CLIP2: variants seen among roughly 807,000 people sequenced by gnomAD.
CLIP2 encodes the protein CAP-Gly domain containing linker protein 2, also known as CAP-Gly domain-containing linker protein 2.
A neutral mutation model predicts 111.7 loss-of-function variants in CLIP2; 41 were observed. The observed-to-expected ratio is 0.37, with a 90% confidence interval of 0.29 to 0.48. The LOEUF is 0.48. Ranked by LOEUF, CLIP2 falls within the 20% of genes least tolerant of loss-of-function variation. CLIP2 has a pLI of 0.99. For synonymous variants in CLIP2, 660 were observed against 644.2 expected, an observed-to-expected ratio of 1.02 and a Z score of -0.37; for missense variants, 1,160 against 1,422.1, an observed-to-expected ratio of 0.82 and a Z score of 2.96.
chr7:74,319,213 TTTG>T (rs1788877429), intron 2 of CLIP2, among the ~76,000 whole-genome samples: 2 of 152,082 alleles, frequency 1.3e-5, no homozygotes, highest in Non-Finnish European at 2.9e-5. Flanking sequence ...ATGAATTTGA[TTTG>T]TTAAGAAAGA....
At position 74,372,902 on chromosome 7, in the gene CLIP2, C is replaced by A. The variant is rs537350900; in HGVS notation, c.1381-30C>A. 6 of 1,030,876 alleles carry A rather than the reference C, an allele frequency of 5.8e-6. No individual in the cohort carries two copies. The South Asian group carries it at 6.8e-5, about 12-fold the overall frequency. 63.9% of individuals were successfully genotyped at this position (1,030,876 alleles called of 1,614,324 possible). A position where few individuals can be genotyped will look rare whatever the true frequency, so the allele number is the denominator to read the frequency against. On this transcript the variant is annotated intron_variant, in intron 8 of 16. Transcript: ENST00000223398. ...CCCTCCCTGCGTCCCCGCCCCCACC[C>A]CCCCACCGTGTCCACCCTGGGTGGA...
At chr7:74,386,229 G>T (rs1432354997) in intron 11 of CLIP2, among the ~76,000 whole-genome samples, 1 of 151,364 alleles carries the variant, frequency 6.6e-6, no homozygotes, top group Admixed American at 6.6e-5. Context: ...TGTATTTTTA[G>T]TAGAGACTCG....
At position 74,376,495 on chromosome 7, in the gene CLIP2, G is replaced by T. The variant is rs782363128; in HGVS notation, c.2094G>T (p.Gly698=). The change falls in exon 10 of 17, where the codon GGG becomes GGT. Residue 698 remains glycine (G), a synonymous_variant. Transcript: ENST00000223398. The surrounding 1 kb of genome is among the most constrained non-coding windows in gnomAD (Gnocchi z 7.1). The part of the protein sequence containing the change: ...KLQEAQEELA[G]LQRHWRAQLE... ...AGGAGGCCCAGGAGGAGCTGGCTGG[G>T]CTGCAGCGGCACTGGCGGGCCCAGC... 1.2e-6 allele frequency: 2 copies of T among 1,611,730 alleles called. No homozygotes were observed. Among genetic ancestry groups the T allele is most frequent in the Admixed American group, 3.4e-5 (2 of 59,622 alleles).
chr7:74,382,471 A>AT (rs35499422), intron 11 of CLIP2, among the ~76,000 whole-genome samples: 1,907 of 129,176 alleles, frequency 0.015, 38 homozygotes, highest in African/African-American at 0.038. Context: ...TGCCCTGCTA[A>AT]TTTTTTTTTT....
chr7:74,377,230 G>A (rs966755692), intron 10 of CLIP2, among the ~76,000 whole-genome samples: 2 of 152,158 alleles, frequency 1.3e-5, no homozygotes, highest in African/African-American at 4.8e-5. Flanking sequence ...CCCCCTGGGG[G>A]CACCCATCTC....
intron 2 of CLIP2, among the ~76,000 whole-genome samples, chr7:74,330,908 C>T (rs1789258618): frequency 6.6e-6 from 1 of 151,576 alleles, no homozygotes; most frequent in African/African-American, 2.4e-5. Context: ...TCTTTTAAAA[C>T]ATATTAAGAT....
At chr7:74,344,809 CAG>C (rs1412589403) in intron 3 of CLIP2, among the ~76,000 whole-genome samples, 1 of 151,996 alleles carries the variant, frequency 6.6e-6, no homozygotes, top group Non-Finnish European at 1.5e-5. Flanking sequence ...GACCTGGTGC[CAG>C]AGAGGAGGGG....
chr7:74,299,135 C>G (rs1410063828), intron 1 of CLIP2, among the ~76,000 whole-genome samples: 1 of 151,952 alleles, frequency 6.6e-6, no homozygotes, highest in Non-Finnish European at 1.5e-5. Flanking sequence ...AGTTGGAGAC[C>G]AGCCTGGGCA....
intron 11 of CLIP2, chr7:74,381,488 G>A (rs1790945950): frequency 2.4e-6 from 1 of 409,710 alleles, no homozygotes; most frequent in Admixed American, 2.8e-5. Context: ...TGCCTAGCTG[G>A]TTTAAACTTT....
At chr7:74,350,445 T>C (rs1584350658) in intron 3 of CLIP2, among the ~76,000 whole-genome samples, 4 of 152,218 alleles carry the variant, frequency 2.6e-5, no homozygotes, top group African/African-American at 9.6e-5. Flanking sequence ...TGGCCTCAAG[T>C]GATCCTCCTG....
intron 1 of CLIP2, among the ~76,000 whole-genome samples, chr7:74,292,425 C>T (rs1300404333): frequency 1.3e-5 from 2 of 152,146 alleles, no homozygotes; most frequent in Non-Finnish European, 2.9e-5. Context: ...CTTGCTCTGT[C>T]GCCCAGGCTG....
In CLIP2 at chr7:74,390,134, G is replaced by GAGAA. The variant is rs1554315549; in HGVS notation, c.2720+889_2720+892dup. ...AAGAAAGAAAGAAAAGAGAGAGAGA[G>GAGAA]AGAAAGAAAGAAAGAAAAAGAAAGA... is the stretch of plus-strand genomic sequence containing the variant. On this transcript the variant is annotated intron_variant, in intron 13 of 16. Coordinates refer to ENST00000223398, the MANE Select transcript of CLIP2 (RefSeq NM_003388.5). 8.7e-5 allele frequency among the ~76,000 whole-genome samples: 9 copies of GAGAA among 103,328 alleles called. 1 individual carries two copies. Among genetic ancestry groups the GAGAA allele is most frequent in the Admixed American group, 2.3e-4 (2 of 8,626 alleles). The allele number at this position is 103,328 out of a possible 152,430, so 67.8% of individuals were successfully genotyped here.
chr7:74,304,076 G>A (rs1788410513), intron 1 of CLIP2, among the ~76,000 whole-genome samples: 1 of 141,508 alleles, frequency 7.1e-6, no homozygotes, highest in Non-Finnish European at 1.5e-5. Flanking sequence ...ACCATGCCTG[G>A]CTAATTTTTT....
intron 1 of CLIP2, among the ~76,000 whole-genome samples, chr7:74,308,837 G>A (rs229882): frequency 0.6 from 90,445 of 151,738 alleles, 29,606 homozygotes; most frequent in Non-Finnish European, 0.74. Context: ...GATTACAGGC[G>A]TGAGCCACCA....
intron 3 of CLIP2, among the ~76,000 whole-genome samples, chr7:74,349,806 G>T (rs1338414363): frequency 6.6e-6 from 1 of 151,498 alleles, no homozygotes; most frequent in African/African-American, 2.4e-5. Flanking sequence ...GTAAAAATAG[G>T]GTTGCACCAT....
At chr7:74,401,453 C>T (rs375997633) in intron 15 of CLIP2, 52 bp from the exon 16 acceptor site, 73 of 1,573,868 alleles carry the variant, frequency 4.6e-5, no homozygotes, top group Non-Finnish European at 6.2e-5. Flanking sequence ...GTGGGAAAAT[C>T]GGGAACTGCT....
chr7:74,369,487 G>T (rs1554311447), intron 8 of CLIP2, among the ~76,000 whole-genome samples: 1 of 152,096 alleles, frequency 6.6e-6, no homozygotes, highest in Non-Finnish European at 1.5e-5. Flanking sequence ...AGGCTACAGT[G>T]AGCTATGATG....
chr7:74,295,484 C>G (rs1253136959), intron 1 of CLIP2, among the ~76,000 whole-genome samples: 2 of 152,150 alleles, frequency 1.3e-5, no homozygotes, highest in African/African-American at 4.8e-5. Context: ...TTTGCCACCT[C>G]GTACCTTTCT....
At chr7:74,349,447 A>AG (rs1789908369) in intron 3 of CLIP2, among the ~76,000 whole-genome samples, 4 of 75,746 alleles carry the variant, frequency 5.3e-5, no homozygotes, top group African/African-American at 9.8e-5. Flanking sequence ...AAAAAAAAAA[A>AG]GTATGTATGT....
Sources: allele counts gnomAD v4.1 joint callset (sites outside exome capture counted in the v4.1 genomes callset), GRCh38; gene constraint gnomAD v4.1.1; non-coding constraint Gnocchi (gnomAD v3.1); transcripts MANE v1.5; gene names NCBI Gene and HGNC (gene_info 2026-07-23, HGNC 2026-07-21).